Variants in GGT1 observed in about 807,000 individuals in gnomAD.
GGT1 encodes the protein gamma-glutamyltransferase 1.
In GGT1, 21 loss-of-function variants were observed where a neutral mutation model predicts 56.0. That is an observed-to-expected ratio of 0.38 (90% CI 0.27 to 0.54). GGT1 has a LOEUF of 0.54. Ranked by LOEUF, GGT1 falls within the 20% of genes least tolerant of loss-of-function variation. GGT1 has a pLI of 0.82. For synonymous variants in GGT1, 238 were observed against 342.6 expected (o/e 0.69, Z 3.37); for missense variants, 466 against 787.0 (o/e 0.59, Z 4.88).
At chr22:24,597,468 A>C (rs2045714791) in intron 1 of GGT1, among the ~76,000 whole-genome samples, 1 of 152,180 alleles carries the variant, frequency 6.6e-6, no homozygotes, top group African/African-American at 2.4e-5. Flanking sequence ...TGAGGCTAGG[A>C]GTTTGAGACC....
Position 24,620,325 on chromosome 22 carries a change from C to A in GGT1, c.383-3C>A. ...GTCACTAACTATGGCTCTCTCTCCC[C>A]AGGGGGGCTGTCGGTGGCGGTGCCT... is the stretch of plus-strand genomic sequence containing the variant. On this transcript the variant is annotated splice_region_variant and splice_polypyrimidine_tract_variant and intron_variant, in intron 7 of 15. Transcript: ENST00000400382. The surrounding 1 kb of genome is among the most constrained non-coding windows in gnomAD (Gnocchi z 5.6). The A allele has an allele frequency of 6.2e-7, 1 of 1,611,666 alleles. No individual in the cohort carries two copies. Among genetic ancestry groups the A allele is most frequent in the Non-Finnish European group, 8.5e-7 (1 of 1,179,740 alleles).
intron 7 of GGT1, among the ~76,000 whole-genome samples, chr22:24,617,611 G>C (rs1034468563): frequency 6.6e-6 from 1 of 151,932 alleles, no homozygotes; most frequent in Non-Finnish European, 1.5e-5. Flanking sequence ...CTGATCTTTT[G>C]TCTGTACCTG....
rs905437151 is a variant in GGT1, at chr22:24,628,499, C to T, written c.1563+111C>T. Reference sequence around the variant, plus strand: ...AATGGTTGGTGTCCTCTCTCTAGTGCCTGGGCCATCTGGAGCCCCTGTGCC... The same window carrying T: ...AATGGTTGGTGTCCTCTCTCTAGTGTCTGGGCCATCTGGAGCCCCTGTGCC... On this transcript the variant is annotated intron_variant, in intron 15 of 15. Coordinates refer to ENST00000400382, the MANE Select transcript of GGT1 (RefSeq NM_001288833.2). This position sits in a 1 kb window ranked among gnomAD's most constrained non-coding sequence, Gnocchi z 5.7. 3 of 1,384,218 alleles carry T rather than the reference C, an allele frequency of 2.2e-6. No homozygotes were observed. The highest frequency in any genetic ancestry group is 4.0e-5 in the Admixed American group (2 of 50,382). The allele number at this position is 1,384,218 out of a possible 1,614,324, so 85.7% of individuals were successfully genotyped here. A position where few individuals can be genotyped will look rare whatever the true frequency, so the allele number is the denominator to read the frequency against.
chr22:24,612,361 G>T (rs1341991098), intron 5 of GGT1, among the ~76,000 whole-genome samples: 3 of 142,234 alleles, frequency 2.1e-5, no homozygotes, highest in African/African-American at 7.8e-5. Context: ...GTGCAGGTTT[G>T]TTACATATGT....
chr22:24,590,523 T>G (rs141087085), upstream of GGT1, among the ~76,000 whole-genome samples: 207 of 152,270 alleles, frequency 1.4e-3, 1 homozygote, highest in African/African-American at 4.7e-3. Context: ...TGTTGTGCTG[T>G]GACACTGCCT....
chr22:24,624,037 G>A (rs1177985238), intron 11 of GGT1, 121 bp downstream of exon 11: 32 of 1,533,028 alleles, frequency 2.1e-5, no homozygotes, highest in South Asian at 6.2e-5. Flanking sequence ...CACAGACTTC[G>A]ATTGCGGGCC....
At chr22:24,615,453 C>T (rs548761264) in intron 7 of GGT1, among the ~76,000 whole-genome samples, 15 of 152,216 alleles carry the variant, frequency 9.9e-5, no homozygotes, top group Non-Finnish European at 1.5e-4. Flanking sequence ...ACCCATGAGC[C>T]TCTCACAACC....
the GGT1 span, chr22:24,588,318 G>A: frequency 1.2e-6 from 2 of 1,612,660 alleles, no homozygotes; most frequent in Non-Finnish European, 1.7e-6. Flanking sequence ...AGGACTTCCA[G>A]AGCTCATAGT....
At chr22:24,597,671 A>C (rs1224785281) in intron 1 of GGT1, among the ~76,000 whole-genome samples, 1 of 7,974 alleles carries the variant, frequency 1.3e-4, no homozygotes, top group Non-Finnish European at 3.1e-4. Flanking sequence ...ACAGAGTGAG[A>C]CTCCATCTCA....
the GGT1 span, chr22:24,586,045 C>A: frequency 6.2e-7 from 1 of 1,611,496 alleles, no homozygotes; most frequent in Non-Finnish European, 8.5e-7. Flanking sequence ...GCCGCCGGCG[C>A]AGGCCGACCA....
rs202017930 is a variant in GGT1, at chr22:24,628,121, G to A, written c.1377G>A (p.Val459=). The change falls in exon 14 of 16, where the codon GTG becomes GTA. Residue 459 remains valine, a synonymous_variant. Coordinates refer to ENST00000400382, the MANE Select transcript of GGT1 (RefSeq NM_001288833.2). This position sits in a 1 kb window ranked among gnomAD's most constrained non-coding sequence, Gnocchi z 5.7. ...PLSSMCPTIM[V]GQDGQVRMVV... ...CGTCCATGTGCCCGACGATCATGGT[G>A]GGCCAGGACGGCCAGGTCCGGATGG... is the stretch of plus-strand genomic sequence containing the variant. 1,852 of 1,612,006 alleles carry A rather than the reference G, an allele frequency of 1.1e-3. 39 individuals carry two copies. The South Asian group carries it at 0.019, about 16-fold the overall frequency.
chr22:24,586,428 G>A, the GGT1 span: 2 of 1,596,588 alleles, frequency 1.3e-6, no homozygotes, highest in Non-Finnish European at 1.7e-6. Flanking sequence ...GAGAGTGGCA[G>A]GTGGGGATGG....
the GGT1 span, among the ~76,000 whole-genome samples, chr22:24,587,937 G>A: frequency 8.6e-3 from 1,303 of 152,296 alleles, 13 homozygotes; most frequent in Admixed American, 0.014. Flanking sequence ...TGTCCAGGCC[G>A]TGTAACAGAC....
chr22:24,605,557 TATA>T (rs1298546118), intron 1 of GGT1, among the ~76,000 whole-genome samples: 1 of 52,930 alleles, frequency 1.9e-5, no homozygotes, highest in Non-Finnish European at 2.8e-5. Flanking sequence ...TTATATATTA[TATA>T]ATATTATATA....
At chr22:24,608,566 T>G (rs1195776560) in intron 2 of GGT1, among the ~76,000 whole-genome samples, 2 of 152,258 alleles carry the variant, frequency 1.3e-5, no homozygotes, top group Admixed American at 1.3e-4. Context: ...GTAGCTTCCT[T>G]GGTGCAGGGG....
chr22:24,587,722 A>G, the GGT1 span, among the ~76,000 whole-genome samples: 1 of 152,226 alleles, frequency 6.6e-6, no homozygotes, highest in Non-Finnish European at 1.5e-5. Context: ...AGTTTTAGGC[A>G]GCCTGGCAGT....
chr22:24,627,812 C>T (rs748675839), intron 12 of GGT1, 40 bp from the exon 13 acceptor site: 5 of 1,595,022 alleles, frequency 3.1e-6, no homozygotes, highest in Non-Finnish European at 4.3e-6. Context: ...CAGGCTGGGC[C>T]AGGCAAGGTC....
chr22:24,593,786 C>CA (rs34143786), upstream of GGT1, among the ~76,000 whole-genome samples: 4,279 of 105,118 alleles, frequency 0.041, 160 homozygotes, highest in African/African-American at 0.12. Flanking sequence ...AACTCTGTCT[C>CA]AAAAAAAAAA....
At chr22:24,586,038 G>A in the GGT1 span, 36 of 1,611,006 alleles carry the variant, frequency 2.2e-5, no homozygotes, top group Admixed American at 6.7e-5. Context: ...TGGCTCAGCC[G>A]CCGGCGCAGG....
Sources: gnomAD v4.1 joint callset for allele counts (sites outside exome capture counted in the v4.1 genomes callset) on GRCh38, gnomAD v4.1.1 for gene constraint, Gnocchi (gnomAD v3.1) non-coding constraint, MANE v1.5 for transcripts, NCBI Gene and HGNC (gene_info 2026-07-23, HGNC 2026-07-21) for gene names.